Variants in MATK observed in about 807,000 individuals in gnomAD.
MATK encodes megakaryocyte-associated tyrosine kinase.
A neutral mutation model predicts 59.8 loss-of-function variants in MATK; 41 were observed. That is an observed-to-expected ratio of 0.69 (90% CI 0.53 to 0.89). The LOEUF is 0.89. MATK is among the 40% of genes least tolerant of loss of function. MATK has a pLI of 0.00. For missense variants in MATK, 593 were observed against 719.6 expected, an observed-to-expected ratio of 0.82 and a Z score of 2.01; for synonymous variants, 308 against 306.1, an observed-to-expected ratio of 1.01 and a Z score of -0.06.
At chr19:3,784,971 G>A (rs980551325) in intron 2 of MATK, 87 bp from the exon 3 acceptor site, 16 of 1,442,902 alleles carry the variant, frequency 1.1e-5, no homozygotes, top group African/African-American at 7.0e-5. Context: ...AGGTGGGGGC[G>A]ATGGCTGGGC....
Position 3,783,206 on chromosome 19 carries a change from T to A in MATK, c.596A>T (p.Asp199Val). The change falls in exon 7 of 14, where the codon GAC becomes GTC. Residue 199 changes from aspartate (D) to valine (V), a missense_variant. Transcript: ENST00000310132. ...LMDMVEHYSK[D>V]KGAICTKLVR... ...CAGCTTGGTGCAGATAGCGCCCTTG[T>A]CCTTGCTGTAATGCTGCAGGATGGT... 6.2e-7 allele frequency: 1 copy of A among 1,612,046 alleles called. No individual in the cohort carries two copies. The highest frequency in any genetic ancestry group is 8.5e-7 in the Non-Finnish European group (1 of 1,179,500).
At position 3,800,594 on chromosome 19, in the gene MATK, C is replaced by A. The variant is rs188297800; in HGVS notation, c.-58+938G>T. On this transcript the variant is annotated intron_variant, in intron 1 of 13. Coordinates refer to the MATK transcript ENST00000395045. The stretch of plus-strand genomic sequence containing the variant: ...CCAGGAGGCGGAGGTTGTGGTGAGC[C>A]GAGATTGCGCCACTGCACTCCAGCC... Among the ~76,000 whole-genome samples, 711 of 151,880 alleles carry A rather than the reference C, an allele frequency of 4.7e-3. 9 individuals are homozygous for A. The highest frequency in any genetic ancestry group is 0.016 in the African/African-American group (660 of 41,414).
At position 3,779,369 on chromosome 19, in the gene MATK, C is replaced by T. The variant is rs2037364731; in HGVS notation, c.1001+9G>A. ...CCCAGTGCCGCAGCACCCTGAGAGT[C>T]CCACTTACAGAGAAAACTGCAGGAG... On this transcript the variant is annotated intron_variant, in intron 11 of 13. Coordinates refer to ENST00000310132, the MANE Select transcript of MATK (RefSeq NM_139355.3). The T allele has an allele frequency of 6.2e-7, 1 of 1,612,870 alleles. No homozygotes were observed. Among genetic ancestry groups the T allele is most frequent in the Non-Finnish European group, 8.5e-7 (1 of 1,179,882 alleles).
chr19:3,797,946 G>A (rs1224713798), intron 1 of MATK, among the ~76,000 whole-genome samples: 4 of 152,100 alleles, frequency 2.6e-5, no homozygotes, highest in African/African-American at 4.8e-5. Flanking sequence ...GGAGGCTAAA[G>A]GAGGAGAATC....
intron 1 of MATK, among the ~76,000 whole-genome samples, chr19:3,798,352 C>G (rs1196313305): frequency 6.7e-6 from 1 of 149,402 alleles, no homozygotes; most frequent in African/African-American, 2.5e-5. Context: ...AGGGCGGCCT[C>G]ACTGTGGGGT....
upstream of MATK, chr19:3,786,541 C>G (rs1459221430): frequency 2.8e-6 from 1 of 362,382 alleles, no homozygotes; most frequent in African/African-American, 2.2e-5. The surrounding 1 kb of genome is among the most constrained non-coding windows in gnomAD (Gnocchi z 4.1). Context: ...CCCACCCACC[C>G]TGGGAAGCGG....
chr19:3,788,097 T>TTATA (rs747060842), upstream of MATK, among the ~76,000 whole-genome samples: 6 of 133,752 alleles, frequency 4.5e-5, no homozygotes, highest in African/African-American at 1.6e-4. Context: ...ATTATTAATA[T>TTATA]TTATATTATA....
In MATK at chr19:3,778,249, A is replaced by G. The variant is rs1411099314; in HGVS notation, c.1458T>C (p.Gly486=). ...EKLARELRSA[G]APASVSGQDA... is the part of the protein sequence containing the mutation. ...CCTGCCCTGAGACGGAGGCTGGGGC[A>G]CCTGCACTGCGTAGCTCCCGGGCCA... The change falls in exon 14 of 14, where the codon GGT becomes GGC. Residue 486 remains glycine, a synonymous_variant. Transcript: ENST00000310132. 1 of 1,576,870 alleles carries G rather than the reference A, an allele frequency of 6.3e-7. No individual in the cohort carries two copies. Among genetic ancestry groups the G allele is most frequent in the Non-Finnish European group, 8.5e-7 (1 of 1,170,944 alleles).
In MATK at chr19:3,785,114, C is replaced by T; in HGVS notation, c.22G>A (p.Val8Ile). The change falls in exon 2 of 14, where the codon GTT becomes ATT. Residue 8 changes from valine to isoleucine, a missense_variant. Physicochemically the swap from Val to Ile is conservative, Grantham distance 29 (BLOSUM62 3). Transcript: ENST00000310132. ...CAGCCGTGAAATGCCCGCCAGGAAA[C>T]CAGAGAGCCTCGCCCCGCCATCGCC... The part of the protein sequence containing the change: MAGRGSL[V>I]SWRAFHGCDS... 1 of 1,614,106 alleles carries T rather than the reference C, an allele frequency of 6.2e-7. No homozygotes were observed. The highest frequency in any genetic ancestry group is 2.2e-5 in the East Asian group (1 of 44,866).
chr19:3,784,468 G>A lies in MATK; in HGVS notation c.133-17C>T, dbSNP rs952813150. On this transcript the variant is annotated splice_polypyrimidine_tract_variant and intron_variant, in intron 3 of 13. Transcript: ENST00000310132. Reference sequence around the variant, plus strand: ...CCAGCGCCTCTGCAGAGGGGGCCGGGAGAGGGGCAAAGGGAGGACATCACG... The same window carrying A: ...CCAGCGCCTCTGCAGAGGGGGCCGGAAGAGGGGCAAAGGGAGGACATCACG... 6 of 1,561,580 alleles carry A rather than the reference G, an allele frequency of 3.8e-6. No individual in the cohort carries two copies. Among genetic ancestry groups the A allele is most frequent in the Non-Finnish European group, 5.2e-6 (6 of 1,152,210 alleles).
At chr19:3,784,308 A>G (rs1231719804) in intron 4 of MATK, 30 bp downstream of exon 4, 3 of 1,593,124 alleles carry the variant, frequency 1.9e-6, no homozygotes, top group East Asian at 2.3e-5. Flanking sequence ...CCCCAGCCCC[A>G]AGCACCCACA....
At chr19:3,789,211 A>T, upstream of MATK, 1 of 738,800 alleles carries the variant, frequency 1.4e-6, no homozygotes, top group Non-Finnish European at 2.6e-6. Flanking sequence ...ACTTGCCTGA[A>T]CTAGAAGTGT....
Position 3,778,412 on chromosome 19 carries a change from T to C in MATK, c.1295A>G (p.Glu432Gly). Reference protein sequence around the residue: ...RAPYPKMSLKEVSEAVEKGYR... With the variant: ...RAPYPKMSLKGVSEAVEKGYR... ...CCCCTTCTCCACGGCCTCCGACACCTCTTTCAGTGACTGCGGACAGCAGGC... is the reference window on the plus strand; with the variant it reads ...CCCCTTCTCCACGGCCTCCGACACCCCTTTCAGTGACTGCGGACAGCAGGC... The change falls in exon 14 of 14, where the codon GAG (glutamate) becomes GGG (glycine). Residue 432 changes from glutamate (E) to glycine (G), a missense_variant. Coordinates refer to ENST00000310132, the MANE Select transcript of MATK (RefSeq NM_139355.3). 6.2e-7 allele frequency: 1 copy of C among 1,613,016 alleles called. No homozygotes were observed. The highest frequency in any genetic ancestry group is 8.5e-7 in the Non-Finnish European group (1 of 1,179,862).
At position 3,784,422 on chromosome 19, in the gene MATK, G is replaced by A. The variant is rs143000882; in HGVS notation, c.162C>T (p.Ile54=). Residue 54 remains isoleucine, a synonymous_variant, in exon 4 of 14, where the codon ATC becomes ATT. Coordinates refer to ENST00000310132, the MANE Select transcript of MATK (RefSeq NM_139355.3). ...TGGGGCGGGTGTGCTCGCATTTGGT[G>A]ATACACTGGGTGCCCGGGGCCCAGC... ...TRRWAPGTQC[I]TKCEHTRPKP... The A allele has an allele frequency of 1.2e-6, 2 of 1,602,152 alleles. No homozygotes were observed. Among genetic ancestry groups the A allele is most frequent in the African/African-American group, 1.3e-5 (1 of 74,834 alleles).
chr19:3,789,721 C>CTTTTTTTTT (rs34795629), upstream of MATK, among the ~76,000 whole-genome samples: 1 of 86,510 alleles, frequency 1.2e-5, no homozygotes, highest in African/African-American at 4.6e-5. Context: ...GGCAACTTTG[C>CTTTTTTTTT]TTTTTTTTTT....
Position 3,778,312 on chromosome 19 carries a change from G to T in MATK, c.1395C>A (p.Pro465=). The change falls in exon 14 of 14, where the codon CCC becomes CCA. Residue 465 remains proline, a synonymous_variant. Transcript: ENST00000310132. ...VLMSSCWEAE[P]ARRPPFRKLA... is the part of the protein sequence containing the mutation. ...GTTTGCGGAAGGGTGGCCGGCGGGC[G>T]GGCTCTGCCTCCCAGCAGCTGCTCA... 1.3e-6 allele frequency: 2 copies of T among 1,576,170 alleles called. No homozygotes were observed. The highest frequency in any genetic ancestry group is 1.7e-6 in the Non-Finnish European group (2 of 1,165,288).
intron 8 of MATK, among the ~76,000 whole-genome samples, chr19:3,780,162 C>A (rs2037379467): frequency 6.6e-6 from 1 of 152,062 alleles, no homozygotes; most frequent in Non-Finnish European, 1.5e-5. Context: ...TGCCTGTAAT[C>A]CCAGCTACTC....
rs373232103 is a variant in MATK at position 3,778,945 on chromosome 19, G to A, written c.1197+47C>T. On this transcript the variant is annotated intron_variant, in intron 12 of 13. Transcript: ENST00000310132. ...GACATACCCAGGGTCATACAGCAGA[G>A]CTGGGGGGACCCCAAAGCCCCAGGG... 27 of 1,493,876 alleles carry A rather than the reference G, an allele frequency of 1.8e-5. No individual in the cohort carries two copies. In the African/African-American group the frequency reaches 3.5e-4, roughly 19 times the overall value. 92.5% of individuals were successfully genotyped at this position (1,493,876 alleles called of 1,614,324 possible).
At chr19:3,783,689 T>TG in intron 6 of MATK, 125 bp downstream of exon 6, 1 of 828,482 alleles carries the variant, frequency 1.2e-6, no homozygotes, top group East Asian at 2.7e-5. Flanking sequence ...GGATGGTGTC[T>TG]GCCCAGCTGC....
Sources: gnomAD v4.1 joint callset for allele counts (sites outside exome capture counted in the v4.1 genomes callset) on GRCh38, gnomAD v4.1.1 for gene constraint, Gnocchi (gnomAD v3.1) non-coding constraint, MANE v1.5 for transcripts, NCBI Gene and HGNC (gene_info 2026-07-23, HGNC 2026-07-21) for gene names.